RPS6KC1: variants seen among roughly 807,000 people sequenced by gnomAD.
RPS6KC1 encodes ribosomal protein S6 kinase C1.
In RPS6KC1, 54 loss-of-function variants were observed where a neutral mutation model predicts 103.8. That is an observed-to-expected ratio of 0.52 (90% CI 0.42 to 0.65). The LOEUF (loss-of-function observed/expected upper bound fraction) is 0.65, where lower values mean the gene tolerates loss of function less well. RPS6KC1 is among the 30% of genes least tolerant of loss of function. The pLI is 0.00. For synonymous variants in RPS6KC1, 439 were observed against 438.7 expected (o/e 1.00, Z -0.01); for missense variants, 1,151 against 1,253.8 (o/e 0.92, Z 1.24).
chr1:213,091,445 G>A (rs913296931), intron 3 of RPS6KC1, among the ~76,000 whole-genome samples: 1 of 152,104 alleles, frequency 6.6e-6, no homozygotes, highest in Non-Finnish European at 1.5e-5. Context: ...TTTCATAAAG[G>A]CTAGTTGCAT....
At chr1:213,713,379 G>T in the RPS6KC1 span, among the ~76,000 whole-genome samples, 1 of 152,102 alleles carries the variant, frequency 6.6e-6, no homozygotes, top group Non-Finnish European at 1.5e-5. Context: ...GCTTCACAGA[G>T]GCAATGGCTT....
chr1:213,648,075 G>A, the RPS6KC1 span, among the ~76,000 whole-genome samples: 1 of 152,138 alleles, frequency 6.6e-6, no homozygotes, highest in Non-Finnish European at 1.5e-5. Flanking sequence ...TGAAAAGAAT[G>A]TAGTGCCATT....
chr1:213,195,763 A>G (rs1251408214), intron 8 of RPS6KC1, among the ~76,000 whole-genome samples: 1 of 152,070 alleles, frequency 6.6e-6, no homozygotes, highest in Non-Finnish European at 1.5e-5. Flanking sequence ...CTCCAACTCC[A>G]TCCAGGTTGC....
At chr1:213,413,450 G>A in the RPS6KC1 span, among the ~76,000 whole-genome samples, 1 of 152,190 alleles carries the variant, frequency 6.6e-6, no homozygotes, top group South Asian at 2.1e-4. Context: ...TAGCTGGGTA[G>A]TTCACTTATG....
chr1:213,094,675 G>A (rs867476951), intron 3 of RPS6KC1, among the ~76,000 whole-genome samples: 1 of 152,134 alleles, frequency 6.6e-6, no homozygotes, highest in Non-Finnish European at 1.5e-5. Flanking sequence ...TTTGACCTTG[G>A]TGTTTCTTAG....
the RPS6KC1 span, among the ~76,000 whole-genome samples, chr1:213,350,495 C>A: frequency 6.6e-6 from 1 of 152,066 alleles, no homozygotes; most frequent in Non-Finnish European, 1.5e-5. Context: ...TGGGGCACTG[C>A]CTCTGAGAGT....
In RPS6KC1 at chr1:213,238,377, G is replaced by A. The variant is rs79669364; in HGVS notation, c.1226-2325G>A. On this transcript the variant is annotated intron_variant, in intron 10 of 14. Transcript: ENST00000366960. ...AAGCCCATTATGAATTCTTTGTTGA[G>A]TAGGGGGAGAGGACCAAATCATGGG... 3.4e-3 allele frequency among the ~76,000 whole-genome samples: 520 copies of A among 152,274 alleles called. 6 individuals carry two copies. The highest frequency in any genetic ancestry group is 0.012 in the African/African-American group (495 of 41,560).
At chr1:213,304,403 G>C in the RPS6KC1 span, among the ~76,000 whole-genome samples, 2 of 151,896 alleles carry the variant, frequency 1.3e-5, no homozygotes, top group Non-Finnish European at 2.9e-5. Context: ...TTTCAAAGAA[G>C]AAACAAAGGC....
In RPS6KC1 at chr1:213,205,233, C is replaced by G. The variant is rs765683714; in HGVS notation, c.1045-25264C>G. On this transcript the variant is annotated intron_variant, in intron 8 of 14. Transcript: ENST00000366960. Reference sequence around the variant, plus strand: ...TACTTTTTAATCTACTCTACTGATTCATTAGTACACAGCCATGGTGAGACA... The same window carrying G: ...TACTTTTTAATCTACTCTACTGATTGATTAGTACACAGCCATGGTGAGACA... 8.5e-5 allele frequency: 84 copies of G among 984,220 alleles called. No homozygotes were observed. In the Middle Eastern group the frequency reaches 1.6e-3, roughly 18 times the overall value. 61.0% of individuals were successfully genotyped at this position (984,220 alleles called of 1,614,324 possible).
the RPS6KC1 span, among the ~76,000 whole-genome samples, chr1:213,455,141 G>A: frequency 3.3e-5 from 5 of 152,182 alleles, no homozygotes; most frequent in East Asian, 9.6e-4. Context: ...TAGAGAAAAG[G>A]ATGGAGGTGA....
chr1:213,588,695 T>C, the RPS6KC1 span, among the ~76,000 whole-genome samples: 2 of 152,202 alleles, frequency 1.3e-5, no homozygotes, highest in African/African-American at 4.8e-5. Flanking sequence ...ACATCTCCCA[T>C]GCACCTGCCC....
chr1:213,661,474 C>T, the RPS6KC1 span, among the ~76,000 whole-genome samples: 6 of 152,132 alleles, frequency 3.9e-5, no homozygotes, highest in South Asian at 2.1e-4. Flanking sequence ...TTTCAGTTGA[C>T]GAGCATCTTG....
At chr1:213,389,457 C>T in the RPS6KC1 span, among the ~76,000 whole-genome samples, 22 of 152,340 alleles carry the variant, frequency 1.4e-4, no homozygotes, top group East Asian at 1.5e-3. Context: ...GGGCTTGCGG[C>T]GGATTTATCA....
At chr1:213,452,878 C>T in the RPS6KC1 span, among the ~76,000 whole-genome samples, 2 of 152,194 alleles carry the variant, frequency 1.3e-5, no homozygotes, top group Non-Finnish European at 2.9e-5. Context: ...TTTGGAATGC[C>T]TTGTATGATT....
intron 7 of RPS6KC1, among the ~76,000 whole-genome samples, chr1:213,173,063 G>A (rs1005432648): frequency 2.6e-5 from 4 of 151,906 alleles, no homozygotes; most frequent in Non-Finnish European, 5.9e-5. Flanking sequence ...ACCTTGCTGC[G>A]TCTCAGTTTT....
chr1:213,255,590 T>C (rs980193806), intron 12 of RPS6KC1, among the ~76,000 whole-genome samples: 2 of 152,212 alleles, frequency 1.3e-5, no homozygotes, highest in African/African-American at 4.8e-5. Flanking sequence ...AGTTTGCAAG[T>C]AAAGTAGTTT....
intron 14 of RPS6KC1, among the ~76,000 whole-genome samples, chr1:213,266,041 A>G (rs1234989324): frequency 6.6e-6 from 1 of 152,244 alleles, no homozygotes; most frequent in Non-Finnish European, 1.5e-5. Context: ...TATCATAAGC[A>G]CTTAGAATAA....
chr1:213,768,301 T>C, the RPS6KC1 span, among the ~76,000 whole-genome samples: 1 of 152,116 alleles, frequency 6.6e-6, no homozygotes. Context: ...GACAATCTGT[T>C]TAAAACAATC....
At chr1:213,792,231 A>G in the RPS6KC1 span, among the ~76,000 whole-genome samples, 1 of 152,200 alleles carries the variant, frequency 6.6e-6, no homozygotes, top group African/African-American at 2.4e-5. Context: ...AACTGTTTTG[A>G]ACATGCACTT....
Sources: allele counts gnomAD v4.1 joint callset (sites outside exome capture counted in the v4.1 genomes callset), GRCh38; gene constraint gnomAD v4.1.1; transcripts MANE v1.5; gene names NCBI Gene and HGNC (gene_info 2026-07-23, HGNC 2026-07-21).